USP9X: variants seen among roughly 807,000 people sequenced by gnomAD.
USP9X encodes the protein ubiquitin carboxyl-terminal hydrolase 9X.
USP9X carries 7 observed loss-of-function variants against 190.3 expected under a neutral mutation model. That is an observed-to-expected ratio of 0.04 (90% CI 0.02 to 0.07). The LOEUF (loss-of-function observed/expected upper bound fraction) is 0.07, where lower values mean the gene tolerates loss of function less well. Ranked by LOEUF, USP9X falls within the 10% of genes least tolerant of loss-of-function variation. The pLI, the probability that USP9X is intolerant of heterozygous loss-of-function variation, is 1.00. For synonymous variants in USP9X, 645 were observed against 659.5 expected, an observed-to-expected ratio of 0.98 and a Z score of 0.34; for missense variants, 1,010 against 1,916.9, an observed-to-expected ratio of 0.53 and a Z score of 8.83.
At chrX:41,106,521 A>ATTT (rs2062069953) in intron 1 of USP9X, among the ~76,000 whole-genome samples, 1 of 77,055 alleles carries the variant, frequency 1.3e-5, no homozygotes, top group Admixed American at 1.5e-4. Flanking sequence ...TTTCTGAATT[A>ATTT]ATTTTTTTTT....
At chrX:41,107,175 C>T (rs1285866447) in intron 1 of USP9X, among the ~76,000 whole-genome samples, 6 of 110,776 alleles carry the variant, frequency 5.4e-5, no homozygotes, top group Admixed American at 1.9e-4. Flanking sequence ...TGAGCCACTG[C>T]GCCTGGCCAA....
intron 26 of USP9X, chrX:41,195,944 A>T (rs747129755): frequency 2.5e-6 from 1 of 406,011 alleles, no homozygotes; most frequent in East Asian, 5.9e-5. Flanking sequence ...AGGTTATTGT[A>T]GTAGAGCATT....
intron 14 of USP9X, among the ~76,000 whole-genome samples, chrX:41,161,055 C>T (rs1179162305): frequency 9.0e-6 from 1 of 110,996 alleles, no homozygotes; most frequent in Non-Finnish European, 1.9e-5. Flanking sequence ...CAGAACAGTC[C>T]TGTACAACGA....
intron 14 of USP9X, among the ~76,000 whole-genome samples, chrX:41,161,551 G>A (rs1368376073): frequency 1.9e-5 from 2 of 104,122 alleles, no homozygotes; most frequent in African/African-American, 7.1e-5. Flanking sequence ...GGCCAAGCTG[G>A]TCTCGAACTC....
At chrX:41,091,267 G>C (rs1341363040) in intron 1 of USP9X, among the ~76,000 whole-genome samples, 1 of 111,822 alleles carries the variant, frequency 8.9e-6, no homozygotes, top group East Asian at 2.8e-4. Flanking sequence ...CAAATGTCAA[G>C]TATAGTAGAA....
chrX:41,161,505 T>G (rs1403034642), intron 14 of USP9X, among the ~76,000 whole-genome samples: 1 of 105,793 alleles, frequency 9.5e-6, no homozygotes, highest in Admixed American at 1.0e-4. Context: ...ATGCCTAATT[T>G]TTGTATTTTT....
At chrX:41,203,254 A>G (rs1200092934) in intron 31 of USP9X, among the ~76,000 whole-genome samples, 1 of 111,629 alleles carries the variant, frequency 9.0e-6, no homozygotes, top group African/African-American at 3.3e-5. Context: ...TATTAAATAC[A>G]TTTACATTGT....
rs2062859954 is a variant in USP9X at position 41,184,880 on chromosome X, A to G, written c.3558+205A>G. 1.4e-5 allele frequency: 5 copies of G among 361,819 alleles called. No individual in the cohort carries two copies. The South Asian group carries it at 3.3e-4, about 24-fold the overall frequency. 29.8% of individuals were successfully genotyped at this position (361,819 alleles called of 1,213,427 possible). ...ATCTGAGGGTAGTTTCTCCCTGCCCACTTAAATCTTGCTTGACTTTCATTT... is the reference window on the plus strand; with the variant it reads ...ATCTGAGGGTAGTTTCTCCCTGCCCGCTTAAATCTTGCTTGACTTTCATTT... On this transcript the variant is annotated intron_variant, in intron 23 of 44. Coordinates refer to ENST00000378308, the MANE Select transcript of USP9X (RefSeq NM_001039591.3).
At chrX:41,095,197 T>C (rs1291929381) in intron 1 of USP9X, among the ~76,000 whole-genome samples, 1 of 112,128 alleles carries the variant, frequency 8.9e-6, no homozygotes, top group African/African-American at 3.2e-5. Context: ...CAGACAGTTA[T>C]ACAGTGCAAT....
At chrX:41,127,843 T>C (rs1242007124) in intron 2 of USP9X, among the ~76,000 whole-genome samples, 2 of 112,399 alleles carry the variant, frequency 1.8e-5, no homozygotes, top group Admixed American at 9.4e-5. Flanking sequence ...GAGGGGCCCG[T>C]TTCTCTTAAA....
Position 41,191,255 on chromosome X carries a change from G to A in USP9X, c.3977+1780G>A, listed in dbSNP as rs187779875. 6.8e-3 allele frequency among the ~76,000 whole-genome samples: 727 copies of A among 107,484 alleles called. 5 individuals carry two copies. Among genetic ancestry groups the A allele is most frequent in the African/African-American group, 0.024 (689 of 29,315 alleles). The allele number at this position is 107,484 out of a possible 115,157, so 93.3% of individuals were successfully genotyped here. A position where few individuals can be genotyped will look rare whatever the true frequency, so the allele number is the denominator to read the frequency against. On this transcript the variant is annotated intron_variant, in intron 26 of 44. Coordinates refer to ENST00000378308, the MANE Select transcript of USP9X (RefSeq NM_001039591.3). Reference sequence around the variant, plus strand: ...GAGGCAGGAGAATTGCTTGAACCCGGAAGGCGGATGTTGCAGTGAGCTGAG... The same window carrying A: ...GAGGCAGGAGAATTGCTTGAACCCGAAAGGCGGATGTTGCAGTGAGCTGAG...
rs186739454 is a variant in USP9X at position 41,113,761 on chromosome X, A to G, written c.-158-9710A>G. Reference sequence around the variant, plus strand: ...ATTTGAAAAAAACAGGATAAACTGCATAGCTTGGAAATACTGAAAAAATTA... The same window carrying G: ...ATTTGAAAAAAACAGGATAAACTGCGTAGCTTGGAAATACTGAAAAAATTA... On this transcript the variant is annotated intron_variant, in intron 1 of 44. Transcript: ENST00000378308. 2.2e-4 allele frequency among the ~76,000 whole-genome samples: 25 copies of G among 111,829 alleles called. No individual in the cohort carries two copies. The East Asian group carries it at 5.3e-3, about 24-fold the overall frequency.
intron 1 of USP9X, among the ~76,000 whole-genome samples, chrX:41,091,819 A>G (rs1159033048): frequency 8.9e-6 from 1 of 111,933 alleles, no homozygotes; most frequent in African/African-American, 3.2e-5. Flanking sequence ...AGCTATATCT[A>G]TATGTGTCAA....
chrX:41,208,832 C>T (rs1355153450), intron 32 of USP9X, among the ~76,000 whole-genome samples: 4 of 109,877 alleles, frequency 3.6e-5, no homozygotes, highest in Non-Finnish European at 5.7e-5. Context: ...CTCAGCCTCC[C>T]GAGTAGCTGG....
intron 1 of USP9X, among the ~76,000 whole-genome samples, chrX:41,105,420 C>T (rs180693159): frequency 1.2e-4 from 13 of 111,919 alleles, no homozygotes; most frequent in Admixed American, 8.5e-4. Flanking sequence ...CTTTTGTGAC[C>T]GCTTTATTTC....
At chrX:41,141,574 T>A in intron 9 of USP9X, 143 bp downstream of exon 9, 1 of 605,379 alleles carries the variant, frequency 1.7e-6, no homozygotes, top group Non-Finnish European at 2.3e-6. Context: ...TATAACTCTG[T>A]TAATCCTGAG....
At chrX:41,188,590 T>C (rs189753179) in intron 25 of USP9X, among the ~76,000 whole-genome samples, 79 of 112,030 alleles carry the variant, frequency 7.1e-4, no homozygotes, top group African/African-American at 2.5e-3. Flanking sequence ...GGTTGGCTTT[T>C]TGATTTATCA....
At chrX:41,113,838 C>T (rs768452767) in intron 1 of USP9X, among the ~76,000 whole-genome samples, 10 of 112,232 alleles carry the variant, frequency 8.9e-5, no homozygotes, top group Non-Finnish European at 1.5e-4. Flanking sequence ...AATCTATTTA[C>T]TACCATAAAA....
chrX:41,123,900 G>A (rs937595124), intron 2 of USP9X, among the ~76,000 whole-genome samples, 176 bp downstream of exon 2: 1 of 110,547 alleles, frequency 9.0e-6, no homozygotes, highest in Admixed American at 9.6e-5. Context: ...AAAATTAGCC[G>A]GGCGTGGTAG....
Sources: allele counts gnomAD v4.1 joint callset (sites outside exome capture counted in the v4.1 genomes callset), GRCh38; gene constraint gnomAD v4.1.1; transcripts MANE v1.5; gene names NCBI Gene and HGNC (gene_info 2026-07-23, HGNC 2026-07-21).